SLC24A2: variants seen among roughly 807,000 people sequenced by gnomAD.
The protein encoded by SLC24A2 is sodium/potassium/calcium exchanger 2.
A neutral mutation model predicts 62.0 loss-of-function variants in SLC24A2; 36 were observed. That is an observed-to-expected ratio of 0.58 (90% CI 0.44 to 0.77). The LOEUF (loss-of-function observed/expected upper bound fraction) is 0.77, where lower values mean the gene tolerates loss of function less well. SLC24A2 is among the 30% of genes least tolerant of loss of function. The pLI, the probability that SLC24A2 is intolerant of heterozygous loss-of-function variation, is 0.00. For missense variants in SLC24A2, 846 were observed against 817.9 expected, an observed-to-expected ratio of 1.03 and a Z score of -0.42; for synonymous variants, 358 against 294.0, an observed-to-expected ratio of 1.22 and a Z score of -2.23.
the SLC24A2 span, among the ~76,000 whole-genome samples, chr9:19,892,648 G>C: frequency 3.3e-5 from 5 of 152,030 alleles, no homozygotes; most frequent in Non-Finnish European, 7.4e-5. Flanking sequence ...CTAATGTCCA[G>C]TTCGTTTCTA....
the SLC24A2 span, among the ~76,000 whole-genome samples, chr9:20,137,216 G>C: frequency 1.7e-4 from 26 of 152,270 alleles, no homozygotes; most frequent in Admixed American, 1.3e-3. Context: ...TATAATAAGA[G>C]GCACCTATGC....
chr9:19,920,263 C>T, the SLC24A2 span, among the ~76,000 whole-genome samples: 5 of 152,136 alleles, frequency 3.3e-5, no homozygotes, highest in Middle Eastern at 6.3e-3. Flanking sequence ...ATATTTCTTG[C>T]AGATTGACTT....
the SLC24A2 span, among the ~76,000 whole-genome samples, chr9:19,970,641 G>A: frequency 6.6e-6 from 1 of 152,032 alleles, no homozygotes; most frequent in African/African-American, 2.4e-5. Flanking sequence ...TAATACCATG[G>A]GATGAAGACT....
At chr9:19,601,696 T>C (rs1381760556) in intron 4 of SLC24A2, among the ~76,000 whole-genome samples, 1 of 152,162 alleles carries the variant, frequency 6.6e-6, no homozygotes, top group Admixed American at 6.5e-5. Flanking sequence ...AGTGATGATA[T>C]AGCATGAGGG....
intron 2 of SLC24A2, among the ~76,000 whole-genome samples, chr9:19,694,322 T>C (rs77252207): frequency 0.016 from 2,431 of 152,264 alleles, 66 homozygotes; most frequent in African/African-American, 0.055. Flanking sequence ...AAATCAAGGT[T>C]ATTACAGATT....
the SLC24A2 span, among the ~76,000 whole-genome samples, chr9:20,267,186 A>G: frequency 2.0e-5 from 3 of 152,258 alleles, no homozygotes; most frequent in African/African-American, 4.8e-5. Context: ...ATGCCAACCT[A>G]TAATATTTTA....
chr9:19,713,089 T>C (rs997621913), intron 2 of SLC24A2, among the ~76,000 whole-genome samples: 8 of 152,200 alleles, frequency 5.3e-5, no homozygotes, highest in African/African-American at 1.9e-4. Context: ...TTATTTTTCT[T>C]CCCAGTATTT....
At position 19,619,591 on chromosome 9, in the gene SLC24A2, G is replaced by A. The variant is rs1213818878; in HGVS notation, c.1071C>T (p.Leu357=). The A allele has an allele frequency of 6.2e-6, 10 of 1,612,168 alleles. No individual in the cohort carries two copies. The highest frequency in any genetic ancestry group is 2.2e-5 in the East Asian group (1 of 44,872). ...FQLMIHTLDP[L]AEELGSYGKL... ...CCAAAGCTTGATGTTTACCTTCGGC[G>A]AGTGGGTCAAGGGTGTGTATCATGA... The change falls in exon 4 of 11, where the codon CTC becomes CTT. Residue 357 remains leucine (L), a synonymous_variant. Transcript: ENST00000341998.
chr9:19,681,196 A>T (rs577836102), intron 2 of SLC24A2, among the ~76,000 whole-genome samples: 14 of 152,082 alleles, frequency 9.2e-5, no homozygotes, highest in Non-Finnish European at 1.9e-4. Context: ...ATGTCTCTCC[A>T]GCTGGAGAGA....
chr9:20,290,940 G>A, the SLC24A2 span, among the ~76,000 whole-genome samples: 4 of 152,178 alleles, frequency 2.6e-5, no homozygotes, highest in African/African-American at 7.2e-5. Context: ...GCATCTTCAT[G>A]AGAATTTTTT....
chr9:20,198,476 C>T, the SLC24A2 span, among the ~76,000 whole-genome samples: 1 of 152,194 alleles, frequency 6.6e-6, no homozygotes, highest in African/African-American at 2.4e-5. Flanking sequence ...TTCCCTACCC[C>T]TCCCTTTCCC....
chr9:20,205,525 C>T, the SLC24A2 span, among the ~76,000 whole-genome samples: 1 of 151,726 alleles, frequency 6.6e-6, no homozygotes, highest in Admixed American at 6.6e-5. Context: ...GTGGCAGGCT[C>T]CTGTAGTCCT....
At chr9:19,694,894 G>T (rs143462894) in intron 2 of SLC24A2, among the ~76,000 whole-genome samples, 170 of 152,182 alleles carry the variant, frequency 1.1e-3, no homozygotes, top group African/African-American at 4.1e-3. Flanking sequence ...TGTGCAAATT[G>T]CTGTACTAGG....
At chr9:19,750,712 C>A (rs1439533161) in intron 2 of SLC24A2, among the ~76,000 whole-genome samples, 2 of 152,090 alleles carry the variant, frequency 1.3e-5, no homozygotes, top group Non-Finnish European at 2.9e-5. Flanking sequence ...AATCCAAATG[C>A]CTTCGGGGAG....
Position 19,786,522 on chromosome 9 carries a change from G to T in SLC24A2, c.345C>A (p.His115Gln), listed in dbSNP as rs145512747. The part of the protein sequence containing the change: ...KEGESENSTD[H>Q]AQGDYPKDIF... ...TGTCTTTCGGGTAGTCTCCTTGGGC[G>T]TGATCTGTACTATTCTCAGACTCGC... The change falls in exon 2 of 11, where the codon CAC becomes CAA. Residue 115 changes from histidine to glutamine, a missense_variant. By Grantham distance (24) the His-to-Gln change is conservative. Transcript: ENST00000341998. This position sits in a 1 kb window ranked among gnomAD's most constrained non-coding sequence, Gnocchi z 5.0. 5 of 1,614,176 alleles carry T rather than the reference G, an allele frequency of 3.1e-6. No individual in the cohort carries two copies. The highest frequency in any genetic ancestry group is 2.2e-5 in the East Asian group (1 of 44,882).
the SLC24A2 span, among the ~76,000 whole-genome samples, chr9:19,908,530 C>T: frequency 1.3e-5 from 2 of 152,076 alleles, no homozygotes; most frequent in African/African-American, 2.4e-5. Context: ...AAAGAAACCA[C>T]CATCAGAGTG....
intron 2 of SLC24A2, among the ~76,000 whole-genome samples, chr9:19,784,391 A>C (rs549173925): frequency 5.9e-5 from 9 of 152,310 alleles, no homozygotes; most frequent in African/African-American, 2.2e-4. Flanking sequence ...CTCTAAGTTA[A>C]TGAAGTTCCA....
At chr9:20,076,552 G>A in the SLC24A2 span, among the ~76,000 whole-genome samples, 1 of 152,062 alleles carries the variant, frequency 6.6e-6, no homozygotes, top group African/African-American at 2.4e-5. Context: ...CTCTCCTTCG[G>A]GATTCAGAAA....
chr9:19,644,178 A>G (rs1201610071), intron 2 of SLC24A2, among the ~76,000 whole-genome samples: 1 of 152,210 alleles, frequency 6.6e-6, no homozygotes, highest in East Asian at 1.9e-4. Context: ...TGCCAATAAA[A>G]GTAATGGCAT....
Sources: allele counts gnomAD v4.1 joint callset (sites outside exome capture counted in the v4.1 genomes callset), GRCh38; gene constraint gnomAD v4.1.1; non-coding constraint Gnocchi (gnomAD v3.1); transcripts MANE v1.5; gene names NCBI Gene and HGNC (gene_info 2026-07-23, HGNC 2026-07-21).